PCDH17: variants seen among roughly 807,000 people sequenced by gnomAD.
PCDH17 encodes the protein protocadherin 17, also known as protocadherin-17.
In PCDH17, 21 loss-of-function variants were observed where a neutral mutation model predicts 67.7. The observed-to-expected ratio is 0.31, with a 90% CI of 0.22 to 0.45. PCDH17 has a LOEUF of 0.45. Among genes scored for constraint, PCDH17 ranks in the 20% least tolerant of loss-of-function variants. The pLI, the probability that PCDH17 is intolerant of heterozygous loss-of-function variation, is 1.00. For missense variants in PCDH17, 1,471 were observed against 1,564.8 expected, an observed-to-expected ratio of 0.94 and a Z score of 1.01; for synonymous variants, 701 against 656.7, an observed-to-expected ratio of 1.07 and a Z score of -1.03.
At chr13:57,643,991 T>A in intron 1 of PCDH17, among the ~76,000 whole-genome samples, 1 of 151,806 alleles carries the variant, frequency 6.6e-6, no homozygotes, top group East Asian at 1.9e-4. Flanking sequence ...GTTTTGGTGC[T>A]GTGTCATGAA....
intron 1 of PCDH17, among the ~76,000 whole-genome samples, chr13:57,655,999 G>T (rs1955098118): frequency 6.6e-6 from 1 of 151,996 alleles, no homozygotes; most frequent in Non-Finnish European, 1.5e-5. Flanking sequence ...GCAGGCTCTG[G>T]CAAGTGTCAT....
In PCDH17 at chr13:57,659,537, A is replaced by G. The variant is rs189080403; in HGVS notation, c.2566-6931A>G. ...ATTATAAACTAAGAAATTTGCATAC[A>G]TTATCTCGTATAAACTTAAAACCCC... is the stretch of plus-strand genomic sequence containing the variant. On this transcript the variant is annotated intron_variant, in intron 1 of 3. Transcript: ENST00000377918. 8.5e-5 allele frequency among the ~76,000 whole-genome samples: 13 copies of G among 152,224 alleles called. No individual in the cohort carries two copies. In the East Asian group the frequency reaches 2.5e-3, roughly 29 times the overall value.
chr13:57,630,997 G>A (rs1954712031), upstream of PCDH17, among the ~76,000 whole-genome samples: 1 of 152,112 alleles, frequency 6.6e-6, no homozygotes, highest in Non-Finnish European at 1.5e-5. Context: ...GCCCCTGGCT[G>A]GACCGCCGCG....
At chr13:57,660,836 T>C (rs1955173321) in intron 1 of PCDH17, among the ~76,000 whole-genome samples, 1 of 152,204 alleles carries the variant, frequency 6.6e-6, no homozygotes, top group African/African-American at 2.4e-5. Flanking sequence ...CTTTTGAGAT[T>C]CATTCGGGTT....
chr13:57,680,691 G>A (rs933747268), intron 3 of PCDH17, among the ~76,000 whole-genome samples: 1 of 151,650 alleles, frequency 6.6e-6, no homozygotes, highest in African/African-American at 2.4e-5. Flanking sequence ...CAAAAGGACA[G>A]TGGCATGTTT....
chr13:57,677,625 A>C (rs1239438261), intron 3 of PCDH17, among the ~76,000 whole-genome samples: 5 of 151,878 alleles, frequency 3.3e-5, no homozygotes, highest in Non-Finnish European at 7.4e-5. Flanking sequence ...CTACATAGTC[A>C]CAGTGGCCGA....
chr13:57,638,858 C>G (rs190719325), intron 1 of PCDH17, among the ~76,000 whole-genome samples: 183 of 152,072 alleles, frequency 1.2e-3, no homozygotes, highest in Non-Finnish European at 3.5e-4. Context: ...TCCCACTTTG[C>G]TCTAGTACAG....
intron 1 of PCDH17, among the ~76,000 whole-genome samples, chr13:57,648,952 G>T (rs1233510403): frequency 6.6e-6 from 1 of 152,010 alleles, no homozygotes; most frequent in African/African-American, 2.4e-5. Flanking sequence ...ATAAAACTGT[G>T]TGTCTAATAT....
intron 3 of PCDH17, among the ~76,000 whole-genome samples, chr13:57,702,058 C>G (rs1441337454): frequency 6.6e-6 from 1 of 151,878 alleles, no homozygotes. Flanking sequence ...GCTGGGATTA[C>G]AGGGACGTGC....
chr13:57,661,959 A>T (rs1183355671), intron 1 of PCDH17, among the ~76,000 whole-genome samples: 6 of 152,162 alleles, frequency 3.9e-5, no homozygotes, highest in Non-Finnish European at 8.8e-5. Flanking sequence ...TCCTGGATTC[A>T]AGCGATTCTC....
At position 57,665,014 on chromosome 13, in the gene PCDH17, G is replaced by A. The variant is rs886831467; in HGVS notation, c.2566-1454G>A. Among the ~76,000 whole-genome samples, 3 of 152,262 alleles carry A rather than the reference G, an allele frequency of 2.0e-5. No homozygotes were observed. In the South Asian group the frequency reaches 6.2e-4, roughly 32 times the overall value. ...TGCTACCAACTGCTAGTAAAAGACG[G>A]TTAGGAGTGAGCAATGAATCCACCT... On this transcript the variant is annotated intron_variant, in intron 1 of 3. Transcript: ENST00000377918.
intron 3 of PCDH17, among the ~76,000 whole-genome samples, chr13:57,721,938 G>T (rs1955875088): frequency 6.6e-6 from 1 of 151,946 alleles, no homozygotes; most frequent in South Asian, 2.1e-4. Context: ...CTTGACCCTT[G>T]ACAGTTAGAG....
intron 3 of PCDH17, among the ~76,000 whole-genome samples, chr13:57,673,686 C>T (rs1955353351): frequency 6.6e-6 from 1 of 151,582 alleles, no homozygotes; most frequent in African/African-American, 2.4e-5. Context: ...TATTTAACAC[C>T]AGAAAAAAAA....
At chr13:57,696,759 TAGAAC>T (rs1955612670) in intron 3 of PCDH17, among the ~76,000 whole-genome samples, 1 of 151,500 alleles carries the variant, frequency 6.6e-6, no homozygotes, top group African/African-American at 2.4e-5. Flanking sequence ...CAATGGAAAT[TAGAAC>T]AGATCTATAA....
chr13:57,707,790 A>T (rs548192613), intron 3 of PCDH17, among the ~76,000 whole-genome samples: 69 of 152,122 alleles, frequency 4.5e-4, no homozygotes, highest in African/African-American at 1.6e-3. Context: ...AATCTTAGAC[A>T]CACACTTCAA....
At chr13:57,679,483 T>G (rs867432025) in intron 3 of PCDH17, among the ~76,000 whole-genome samples, 7 of 151,376 alleles carry the variant, frequency 4.6e-5, no homozygotes, top group South Asian at 2.1e-4. Context: ...AATCACAGCA[T>G]AGGATCATTT....
intron 3 of PCDH17, among the ~76,000 whole-genome samples, chr13:57,677,114 C>T (rs1308119894): frequency 2.6e-5 from 4 of 151,750 alleles, no homozygotes; most frequent in Admixed American, 1.3e-4. Context: ...TGACAGATAC[C>T]GTTTCAAGTG....
chr13:57,667,382 A>G (rs1186219086), intron 3 of PCDH17, among the ~76,000 whole-genome samples: 1 of 152,094 alleles, frequency 6.6e-6, no homozygotes, highest in East Asian at 1.9e-4. Flanking sequence ...GTAATAAAGC[A>G]ATGTGTCTTA....
At chr13:57,637,107 T>C (rs971618953) in intron 1 of PCDH17, among the ~76,000 whole-genome samples, 6 of 152,050 alleles carry the variant, frequency 3.9e-5, no homozygotes, top group African/African-American at 1.4e-4. Flanking sequence ...CCAAAGCAAA[T>C]ACACACGTGC....
Sources: allele counts gnomAD v4.1 joint callset (sites outside exome capture counted in the v4.1 genomes callset), GRCh38; gene constraint gnomAD v4.1.1; transcripts MANE v1.5; gene names NCBI Gene and HGNC (gene_info 2026-07-23, HGNC 2026-07-21).